Variants in HUNK observed in about 807,000 individuals in gnomAD.
HUNK encodes the protein hormonally up-regulated Neu-associated kinase.
HUNK carries 21 observed loss-of-function variants against 61.0 expected under a neutral mutation model. The observed-to-expected ratio is 0.34, with a 90% CI of 0.24 to 0.50. HUNK has a LOEUF of 0.50. HUNK is among the 20% of genes least tolerant of loss of function. The probability of loss-of-function intolerance (pLI) is 0.98; values close to 1 mark genes in which losing one functional copy is unlikely to be tolerated. For missense variants in HUNK, 772 were observed against 945.7 expected (o/e 0.82, Z 2.41); for synonymous variants, 371 against 386.1 (o/e 0.96, Z 0.46).
At chr21:31,960,383 T>G (rs2052919030) in intron 5 of HUNK, among the ~76,000 whole-genome samples, 1 of 141,908 alleles carries the variant, frequency 7.0e-6, no homozygotes, top group African/African-American at 3.0e-5. Context: ...GTAAAAAGGT[T>G]TTTTTTTTTT....
In HUNK at chr21:31,968,362, C is replaced by A; in HGVS notation, c.987C>A (p.Pro329=). ...WLNENYTGKV[P]CNVTYPNRIS... ...ATGAGAATTACACGGGCAAAGTGCC[C>A]TGTAATGTCACCTATCCCAACAGGT... The change falls in exon 6 of 11, where the codon CCC becomes CCA. Residue 329 remains proline (P), a synonymous_variant. Coordinates refer to ENST00000270112, the MANE Select transcript of HUNK (RefSeq NM_014586.2). 1 of 1,614,228 alleles carries A rather than the reference C, an allele frequency of 6.2e-7. No homozygotes were observed. Among genetic ancestry groups the A allele is most frequent in the Non-Finnish European group, 8.5e-7 (1 of 1,180,036 alleles).
At chr21:31,877,520 G>A (rs2052272930) in intron 1 of HUNK, among the ~76,000 whole-genome samples, 2 of 152,118 alleles carry the variant, frequency 1.3e-5, no homozygotes, top group African/African-American at 2.4e-5. Context: ...GATGGCTTGC[G>A]GCTGAGACCT....
intron 1 of HUNK, among the ~76,000 whole-genome samples, chr21:31,887,984 G>A (rs1431782642): frequency 6.6e-6 from 1 of 152,048 alleles, no homozygotes; most frequent in African/African-American, 2.4e-5. Context: ...TGTGGATCTC[G>A]TACCATCTGC....
chr21:31,954,358 G>A (rs377649251), intron 4 of HUNK, among the ~76,000 whole-genome samples: 2 of 152,232 alleles, frequency 1.3e-5, no homozygotes, highest in African/African-American at 2.4e-5. Flanking sequence ...ATAACTGTGT[G>A]TGTTGACGTG....
chr21:31,907,255 G>A (rs924300880), intron 1 of HUNK, among the ~76,000 whole-genome samples: 1 of 152,024 alleles, frequency 6.6e-6, no homozygotes, highest in East Asian at 1.9e-4. Context: ...ATCTCAAGAC[G>A]TCATAGTATG....
Position 31,946,021 on chromosome 21 carries a change from C to T in HUNK, c.611-15C>T. The T allele has an allele frequency of 6.4e-7, 1 of 1,565,578 alleles. No homozygotes were observed. Among genetic ancestry groups the T allele is most frequent in the Non-Finnish European group, 8.7e-7 (1 of 1,147,064 alleles). ...TTTCTAATTCGGAGCTTGTTTTGTT[C>T]ACCTCTCTTTGCAGACTTTGGTTTG... On this transcript the variant is annotated splice_polypyrimidine_tract_variant and intron_variant, in intron 3 of 10. Transcript: ENST00000270112.
intron 1 of HUNK, among the ~76,000 whole-genome samples, chr21:31,908,358 C>T (rs973992911): frequency 3.5e-4 from 53 of 151,684 alleles, no homozygotes; most frequent in Admixed American, 6.6e-5. Context: ...GGGGCCTCAG[C>T]GCGTGAAAGT....
intron 1 of HUNK, among the ~76,000 whole-genome samples, chr21:31,912,058 G>A (rs974338074): frequency 6.6e-6 from 1 of 152,146 alleles, no homozygotes; most frequent in Non-Finnish European, 1.5e-5. Flanking sequence ...TACGGCTGCT[G>A]TCTACCCCAA....
At chr21:31,934,923 G>GTTTGGTTACGTGTC (rs2123824276) in intron 2 of HUNK, among the ~76,000 whole-genome samples, 1 of 152,272 alleles carries the variant, frequency 6.6e-6, no homozygotes, top group Non-Finnish European at 1.5e-5. Context: ...TAGGCACCTA[G>GTTTGGTTACGTGTC]TTTGGTTACG....
intron 1 of HUNK, among the ~76,000 whole-genome samples, chr21:31,900,331 C>T (rs1210306319): frequency 6.6e-6 from 1 of 152,054 alleles, no homozygotes; most frequent in African/African-American, 2.4e-5. Context: ...GCTCTTTGTT[C>T]TGTCTCCATG....
At chr21:31,975,969 A>T (rs1166691754) in intron 7 of HUNK, among the ~76,000 whole-genome samples, 1 of 152,236 alleles carries the variant, frequency 6.6e-6, no homozygotes, top group Non-Finnish European at 1.5e-5. Flanking sequence ...TTCTAAGCTG[A>T]TTTAGCTCAG....
chr21:31,941,397 C>G (rs550095278), intron 3 of HUNK, among the ~76,000 whole-genome samples: 1 of 151,882 alleles, frequency 6.6e-6, no homozygotes, highest in Non-Finnish European at 1.5e-5. Context: ...GCCTCTGCCT[C>G]CCGGGTTCAA....
In HUNK at chr21:31,963,198, G is replaced by A. The variant is rs118190292; in HGVS notation, c.874+4228G>A. 2.3e-3 allele frequency among the ~76,000 whole-genome samples: 349 copies of A among 152,312 alleles called. 1 individual carries two copies. Among genetic ancestry groups the A allele is most frequent in the Non-Finnish European group, 4.0e-3 (272 of 68,020 alleles). On this transcript the variant is annotated intron_variant, in intron 5 of 10. Transcript: ENST00000270112. ...ATCCTTTGTAGGTGTTTTTCATGTG[G>A]TGTTGTTTTTATACAATCCTGCAAG... is the stretch of plus-strand genomic sequence containing the variant.
chr21:31,884,208 G>T (rs1488353267), intron 1 of HUNK, among the ~76,000 whole-genome samples: 2 of 150,494 alleles, frequency 1.3e-5, no homozygotes, highest in African/African-American at 4.9e-5. Flanking sequence ...ATTTGGAGAT[G>T]GGGCCTTTGG....
chr21:31,912,900 T>C (rs1362915315), intron 1 of HUNK, among the ~76,000 whole-genome samples: 2 of 152,200 alleles, frequency 1.3e-5, no homozygotes, highest in Non-Finnish European at 2.9e-5. Flanking sequence ...ATTTTAATGT[T>C]TGAAGGGAAG....
In HUNK at chr21:31,873,699, C is replaced by T; in HGVS notation, c.25C>T (p.Leu9Phe). The stretch of plus-strand genomic sequence containing the variant: ...GATGCCGGCGGCGGCGGGGGACGGG[C>T]TCCTGGGGGAGCCGGCGGCGCCTGG... MPAAAGDG[L>F]LGEPAAPGGG... is the part of the protein sequence containing the mutation. Residue 9 changes from leucine to phenylalanine, a missense_variant, in exon 1 of 11, where the codon CTC becomes TTC. Physicochemically the swap from Leu to Phe is conservative, Grantham distance 22. Around this residue, in one of 2 missense-constraint regions of HUNK, gnomAD observed 359 missense variants for 501.3 expected, o/e 0.72. Coordinates refer to ENST00000270112, the MANE Select transcript of HUNK (RefSeq NM_014586.2). The surrounding 1 kb of genome is among the most constrained non-coding windows in gnomAD (Gnocchi z 6.1). 1 of 1,129,078 alleles carries T rather than the reference C, an allele frequency of 8.9e-7. No homozygotes were observed. 69.9% of individuals were successfully genotyped at this position (1,129,078 alleles called of 1,614,324 possible).
chr21:31,900,393 C>T (rs2052456260), intron 1 of HUNK, among the ~76,000 whole-genome samples: 1 of 151,200 alleles, frequency 6.6e-6, no homozygotes, highest in Admixed American at 6.6e-5. Flanking sequence ...CGTGTGGTAG[C>T]TGCCTCCCAG....
At chr21:31,941,526 C>T (rs2052768855) in intron 3 of HUNK, among the ~76,000 whole-genome samples, 1 of 152,140 alleles carries the variant, frequency 6.6e-6, no homozygotes, top group African/African-American at 2.4e-5. Context: ...AGGCTGGTCT[C>T]GAACTCCTGA....
chr21:31,936,651 T>A (rs2052734779), intron 2 of HUNK, among the ~76,000 whole-genome samples: 1 of 152,236 alleles, frequency 6.6e-6, no homozygotes, highest in Non-Finnish European at 1.5e-5. Context: ...ATTTTATTTT[T>A]TTCTCAGTTT....
Sources: allele counts gnomAD v4.1 joint callset (sites outside exome capture counted in the v4.1 genomes callset), GRCh38; gene constraint gnomAD v4.1.1; regional missense constraint gnomAD v4.1.1; non-coding constraint Gnocchi (gnomAD v3.1); transcripts MANE v1.5; gene names NCBI Gene and HGNC (gene_info 2026-07-23, HGNC 2026-07-21).